The following DNAH7 variants were observed in gnomAD, a reference collection of about 807,000 sequenced individuals.
DNAH7 encodes dynein axonemal heavy chain 7, also known as axonemal beta dynein heavy chain 7.
A neutral mutation model predicts 444.6 loss-of-function variants in DNAH7; 397 were observed. The observed-to-expected ratio is 0.89, with a 90% CI of 0.82 to 0.97. DNAH7 has a LOEUF of 0.97. Among genes scored for constraint, DNAH7 ranks in the 50% least tolerant of loss-of-function variants. The probability of loss-of-function intolerance (pLI) is 0.00; values close to 1 mark genes in which losing one functional copy is unlikely to be tolerated. For missense variants in DNAH7, 4,902 were observed against 4,800.8 expected (o/e 1.02, Z -0.62); for synonymous variants, 1,636 against 1,624.4 (o/e 1.01, Z -0.17).
At chr2:195,927,923 T>C (rs1021677285) in intron 21 of DNAH7, among the ~76,000 whole-genome samples, 3 of 152,146 alleles carry the variant, frequency 2.0e-5, no homozygotes, top group Non-Finnish European at 4.4e-5. Flanking sequence ...ACTTATTTTC[T>C]ACATCACTTT....
chr2:195,795,387 C>CACA (rs764311464), intron 56 of DNAH7, among the ~76,000 whole-genome samples: 35 of 152,080 alleles, frequency 2.3e-4, no homozygotes, highest in South Asian at 2.1e-3. Flanking sequence ...ATCTCAAAAC[C>CACA]ACAACAACAA....
chr2:195,755,830 A>AT (rs1378418151), intron 62 of DNAH7, among the ~76,000 whole-genome samples: 1 of 152,216 alleles, frequency 6.6e-6, no homozygotes, highest in African/African-American at 2.4e-5. Flanking sequence ...CAATGAAGCT[A>AT]TAATACCCCT....
chr2:196,046,591 C>G (rs1034330097), intron 5 of DNAH7, among the ~76,000 whole-genome samples: 1 of 152,092 alleles, frequency 6.6e-6, no homozygotes, highest in Admixed American at 6.5e-5. Flanking sequence ...AAAGCAAACT[C>G]GAAACCACTC....
intron 5 of DNAH7, among the ~76,000 whole-genome samples, chr2:196,036,194 G>A (rs1696378245): frequency 6.6e-6 from 1 of 151,998 alleles, no homozygotes; most frequent in South Asian, 2.1e-4. Flanking sequence ...ACCATGCCCA[G>A]CTAATTTTTT....
intron 63 of DNAH7, among the ~76,000 whole-genome samples, chr2:195,741,656 A>C (rs1255694105): frequency 1.3e-5 from 2 of 152,224 alleles, no homozygotes; most frequent in African/African-American, 4.8e-5. Flanking sequence ...TCTGGAGAAC[A>C]ACCTTAAAAA....
chr2:195,942,064 G>C (rs1206322216), intron 19 of DNAH7, among the ~76,000 whole-genome samples: 3 of 152,050 alleles, frequency 2.0e-5, no homozygotes, highest in Non-Finnish European at 4.4e-5. Flanking sequence ...CCATGGGGGA[G>C]ACAGACAATA....
chr2:195,753,790 A>G (rs1340631676), intron 63 of DNAH7, among the ~76,000 whole-genome samples: 2 of 152,216 alleles, frequency 1.3e-5, no homozygotes, highest in Admixed American at 6.5e-5. Flanking sequence ...TTTCCTCACA[A>G]TCTTTCAACC....
In DNAH7 at chr2:195,870,841, T is replaced by C. The variant is rs937653897; in HGVS notation, c.6633+1409A>G. The stretch of plus-strand genomic sequence containing the variant: ...CTGTGAGAAATTAATTTCAGTTTGT[T>C]GACAAGCCACCCAGTTTAGGTACGT... On this transcript the variant is annotated intron_variant, in intron 40 of 64. Transcript: ENST00000312428. Among the ~76,000 whole-genome samples the C allele has an allele frequency of 3.3e-5, 5 of 152,312 alleles. No homozygotes were observed. The East Asian group carries it at 7.7e-4, about 23-fold the overall frequency.
chr2:195,869,155 A>G (rs1260148986), intron 40 of DNAH7, among the ~76,000 whole-genome samples: 2 of 151,980 alleles, frequency 1.3e-5, no homozygotes, highest in African/African-American at 2.4e-5. Flanking sequence ...CCACAAGGCC[A>G]GCGTCCCTTC....
chr2:195,750,650 T>A (rs1476822580), intron 63 of DNAH7, among the ~76,000 whole-genome samples: 1 of 152,170 alleles, frequency 6.6e-6, no homozygotes, highest in Non-Finnish European at 1.5e-5. Context: ...CTCTGTTCAT[T>A]AGCTGTGAGA....
At chr2:195,999,913 T>A (rs560863601) in intron 12 of DNAH7, among the ~76,000 whole-genome samples, 14 of 152,266 alleles carry the variant, frequency 9.2e-5, no homozygotes, top group African/African-American at 3.1e-4. Context: ...AGCCTATTTT[T>A]CAAAATTAAG....
chr2:195,916,895 C>T (rs1050399732), intron 24 of DNAH7, among the ~76,000 whole-genome samples: 5 of 151,192 alleles, frequency 3.3e-5, no homozygotes, highest in Non-Finnish European at 7.4e-5. Context: ...GTCAGGAGAT[C>T]GAGACCATCC....
chr2:196,035,537 G>A (rs959260676), intron 5 of DNAH7, among the ~76,000 whole-genome samples: 1 of 152,170 alleles, frequency 6.6e-6, no homozygotes, highest in African/African-American at 2.4e-5. Context: ...TAGCTGAAGA[G>A]AGGCGCCCAG....
intron 57 of DNAH7, among the ~76,000 whole-genome samples, chr2:195,792,394 TACACACACACACACACACACACAC>T (rs59046004): frequency 1.5e-4 from 17 of 117,218 alleles, no homozygotes; most frequent in African/African-American, 2.6e-4. Context: ...AACCAAAAAA[TACACACACACACACACACACACAC>T]ACACACACAC....
At chr2:196,050,380 GCTGT>G (rs1214639823) in intron 3 of DNAH7, among the ~76,000 whole-genome samples, 1 of 152,110 alleles carries the variant, frequency 6.6e-6, no homozygotes, top group Non-Finnish European at 1.5e-5. Context: ...GGACAGGGTT[GCTGT>G]TTAGTCAGAT....
intron 63 of DNAH7, among the ~76,000 whole-genome samples, chr2:195,746,608 T>C (rs1390430469): frequency 6.6e-6 from 1 of 152,212 alleles, no homozygotes; most frequent in East Asian, 1.9e-4. Context: ...AAAGCTGTCC[T>C]CAGCAAATGT....
At chr2:195,934,436 A>C (rs538829277) in intron 21 of DNAH7, among the ~76,000 whole-genome samples, 155 bp downstream of exon 21, 1 of 152,320 alleles carries the variant, frequency 6.6e-6, no homozygotes, top group South Asian at 2.1e-4. Flanking sequence ...ACTATCATAG[A>C]ACATCTCTTT....
intron 54 of DNAH7, among the ~76,000 whole-genome samples, chr2:195,806,523 A>G (rs907875907): frequency 6.6e-5 from 10 of 152,218 alleles, no homozygotes; most frequent in African/African-American, 2.2e-4. Flanking sequence ...AAAATAAATA[A>G]AATTATACAA....
rs13423841 is a variant in DNAH7 at position 195,739,296 on chromosome 2, G to A, written c.11869-1169C>T. On this transcript the variant is annotated intron_variant, in intron 64 of 64. Transcript: ENST00000312428. ...TTTTAAAATGTATGACAGCTTTCTC[G>A]CAATTGGCTGTCAGTTGACCCCTCA... 1.5e-3 allele frequency among the ~76,000 whole-genome samples: 223 copies of A among 152,062 alleles called. 2 individuals are homozygous for A. The highest frequency in any genetic ancestry group is 5.0e-3 in the African/African-American group (208 of 41,460).
Sources: gnomAD v4.1 joint callset for allele counts (sites outside exome capture counted in the v4.1 genomes callset) on GRCh38, gnomAD v4.1.1 for gene constraint, MANE v1.5 for transcripts, NCBI Gene and HGNC (gene_info 2026-07-23, HGNC 2026-07-21) for gene names.